Variants in KCNJ6 observed in about 807,000 individuals in gnomAD.
KCNJ6 encodes potassium inwardly rectifying channel subfamily J member 6, also known as G protein-activated inward rectifier potassium channel 2.
Under a neutral mutation model 34.2 loss-of-function variants are expected in KCNJ6, and 9 were observed. The observed-to-expected ratio is 0.26, with a 90% CI of 0.16 to 0.46. The LOEUF is 0.46. Among genes scored for constraint, KCNJ6 ranks in the 20% least tolerant of loss-of-function variants. The pLI is 1.00. For synonymous variants in KCNJ6, 196 were observed against 207.1 expected, an observed-to-expected ratio of 0.95 and a Z score of 0.46; for missense variants, 236 against 531.3, an observed-to-expected ratio of 0.44 and a Z score of 5.46.
intron 2 of KCNJ6, among the ~76,000 whole-genome samples, chr21:37,742,493 A>T (rs933426842): frequency 8.4e-6 from 1 of 118,426 alleles, no homozygotes; most frequent in African/African-American, 3.4e-5. Context: ...GAACATTTTA[A>T]TTAACCCAGA....
chr21:37,638,222 C>T (rs1336588951), intron 3 of KCNJ6, among the ~76,000 whole-genome samples: 1 of 152,224 alleles, frequency 6.6e-6, no homozygotes, highest in East Asian at 1.9e-4. Flanking sequence ...TCTCAGCTCA[C>T]TGTAGCCTCT....
At chr21:37,797,113 G>A (rs991813646) in intron 2 of KCNJ6, among the ~76,000 whole-genome samples, 2 of 151,808 alleles carry the variant, frequency 1.3e-5, no homozygotes, top group African/African-American at 4.8e-5. Flanking sequence ...CCAGGCTGGA[G>A]TGCAGTGGCT....
intron 2 of KCNJ6, among the ~76,000 whole-genome samples, chr21:37,795,753 A>AAG (rs2055238550): frequency 6.6e-6 from 1 of 151,828 alleles, no homozygotes; most frequent in African/African-American, 2.4e-5. Context: ...AAAAACAAAA[A>AAG]AAAACCCTGC....
At chr21:37,739,234 ATTTC>A (rs1207464114) in intron 2 of KCNJ6, among the ~76,000 whole-genome samples, 1 of 152,202 alleles carries the variant, frequency 6.6e-6, no homozygotes, top group African/African-American at 2.4e-5. Flanking sequence ...AATTTCACCT[ATTTC>A]TTTTTTCCTT....
chr21:37,913,388 G>T (rs1483944883), intron 1 of KCNJ6, among the ~76,000 whole-genome samples: 2 of 152,244 alleles, frequency 1.3e-5, no homozygotes, highest in African/African-American at 4.8e-5. Flanking sequence ...CAGGCTTGAA[G>T]ATGTGATCAC....
chr21:37,778,762 C>T (rs190612653), intron 2 of KCNJ6, among the ~76,000 whole-genome samples: 1 of 151,552 alleles, frequency 6.6e-6, no homozygotes, highest in Admixed American at 6.6e-5. Context: ...ACAACATGTT[C>T]CCATCTCCTG....
At chr21:37,668,703 C>T (rs1365654332) in intron 3 of KCNJ6, among the ~76,000 whole-genome samples, 3 of 152,166 alleles carry the variant, frequency 2.0e-5, no homozygotes, top group African/African-American at 2.4e-5. Context: ...CTGGCCTGCA[C>T]GGCCTCTGAG....
At chr21:37,795,677 T>A (rs2055237839) in intron 2 of KCNJ6, among the ~76,000 whole-genome samples, 2 of 146,030 alleles carry the variant, frequency 1.4e-5, no homozygotes, top group Admixed American at 1.4e-4. Context: ...CCGGTTGCAG[T>A]GAGCTGAGAT....
At chr21:37,740,439 GA>G (rs1429990781) in intron 2 of KCNJ6, among the ~76,000 whole-genome samples, 2 of 152,142 alleles carry the variant, frequency 1.3e-5, no homozygotes, top group East Asian at 3.8e-4. Context: ...CAGGTCTTTA[GA>G]TAAACTCAAC....
intron 1 of KCNJ6, among the ~76,000 whole-genome samples, chr21:37,894,903 C>T (rs1393622459): frequency 6.6e-6 from 1 of 152,024 alleles, no homozygotes; most frequent in African/African-American, 2.4e-5. Flanking sequence ...GAGATGTCCA[C>T]TTTATTTTAA....
chr21:37,801,766 G>A (rs180762751), intron 2 of KCNJ6, among the ~76,000 whole-genome samples: 2 of 152,192 alleles, frequency 1.3e-5, no homozygotes, highest in Admixed American at 1.3e-4. Context: ...TGAAGTGGAG[G>A]TGTGGACCCC....
At chr21:37,718,594 C>G (rs890945834) in intron 2 of KCNJ6, among the ~76,000 whole-genome samples, 12 of 151,880 alleles carry the variant, frequency 7.9e-5, no homozygotes, top group Non-Finnish European at 1.6e-4. Context: ...ACTGCATATT[C>G]TCATAGGTGG....
chr21:37,691,929 G>T (rs2054641658), intron 3 of KCNJ6, among the ~76,000 whole-genome samples: 1 of 152,070 alleles, frequency 6.6e-6, no homozygotes, highest in Admixed American at 6.5e-5. Context: ...ACGTTTTGCT[G>T]TATAATTAAA....
chr21:37,753,002 CA>C (rs1226420525), intron 2 of KCNJ6, among the ~76,000 whole-genome samples: 2 of 152,114 alleles, frequency 1.3e-5, no homozygotes, highest in African/African-American at 2.4e-5. Flanking sequence ...CAAGGGCTGC[CA>C]AGAGTAAGAA....
intron 2 of KCNJ6, among the ~76,000 whole-genome samples, chr21:37,821,773 G>A (rs755208508): frequency 8.5e-5 from 13 of 152,172 alleles, no homozygotes; most frequent in Non-Finnish European, 1.5e-4. Flanking sequence ...TAATCAAATA[G>A]TAAATTCTAC....
At chr21:37,889,134 C>G (rs940165698) in intron 1 of KCNJ6, among the ~76,000 whole-genome samples, 1 of 152,184 alleles carries the variant, frequency 6.6e-6, no homozygotes, top group African/African-American at 2.4e-5. Context: ...ATGTGAACCA[C>G]ACGTGACTGA....
At chr21:37,797,577 A>C (rs1296210184) in intron 2 of KCNJ6, among the ~76,000 whole-genome samples, 7 of 152,096 alleles carry the variant, frequency 4.6e-5, no homozygotes, top group Admixed American at 2.6e-4. Flanking sequence ...ACTCACTACC[A>C]ACTGACATTT....
At chr21:37,836,582 C>G (rs1183404259) in intron 2 of KCNJ6, among the ~76,000 whole-genome samples, 10 of 152,296 alleles carry the variant, frequency 6.6e-5, no homozygotes, top group African/African-American at 2.4e-5. Context: ...AGTTCACGTC[C>G]TTTGCAGGGA....
Position 37,789,142 on chromosome 21 carries a change from A to AT in KCNJ6, c.25+51515dup, listed in dbSNP as rs528816432. On this transcript the variant is annotated intron_variant, in intron 2 of 3. Coordinates refer to ENST00000609713, the MANE Select transcript of KCNJ6 (RefSeq NM_002240.5). The stretch of plus-strand genomic sequence containing the variant: ...AATTCTTCTTGAAAAAGGGACATGT[A>AT]TTTTTTTGTACTCTTTTTCTCCTTC... Among the ~76,000 whole-genome samples the AT allele has an allele frequency of 2.1e-4, 32 of 152,198 alleles. No homozygotes were observed. The South Asian group carries it at 5.6e-3, about 27-fold the overall frequency.
Sources: allele counts gnomAD v4.1 joint callset (sites outside exome capture counted in the v4.1 genomes callset), GRCh38; gene constraint gnomAD v4.1.1; transcripts MANE v1.5; gene names NCBI Gene and HGNC (gene_info 2026-07-23, HGNC 2026-07-21).